CPLX2: variants seen among roughly 807,000 people sequenced by gnomAD.
CPLX2 encodes the protein complexin 2.
CPLX2 carries 5 observed loss-of-function variants against 16.3 expected under a neutral mutation model. That is an observed-to-expected ratio of 0.31 (90% CI 0.16 to 0.64). The LOEUF is 0.64. Among genes scored for constraint, CPLX2 ranks in the 30% least tolerant of loss-of-function variants. CPLX2 has a pLI of 0.79. For missense variants in CPLX2, 144 were observed against 181.4 expected, an observed-to-expected ratio of 0.79 and a Z score of 1.18; for synonymous variants, 89 against 73.2, an observed-to-expected ratio of 1.22 and a Z score of -1.10.
At chr5:175,819,401 C>T (rs900503958) in intron 2 of CPLX2, among the ~76,000 whole-genome samples, 2 of 152,202 alleles carry the variant, frequency 1.3e-5, no homozygotes, top group Non-Finnish European at 2.9e-5. Context: ...CAAACCCTCA[C>T]CAACATTTGG....
chr5:175,835,981 CATCT>C, intron 2 of CPLX2, among the ~76,000 whole-genome samples: 1 of 152,002 alleles, frequency 6.6e-6, no homozygotes, highest in African/African-American at 2.4e-5. Context: ...TCAAGTGATC[CATCT>C]GCCTCAGCCT....
At chr5:175,854,155 T>A (rs1403962959) in intron 2 of CPLX2, among the ~76,000 whole-genome samples, 1 of 152,178 alleles carries the variant, frequency 6.6e-6, no homozygotes, top group Non-Finnish European at 1.5e-5. Context: ...TACCCATGTG[T>A]CCTTGTCCTG....
chr5:175,798,304 A>G (rs1420751895), intron 1 of CPLX2, among the ~76,000 whole-genome samples: 1 of 152,234 alleles, frequency 6.6e-6, no homozygotes, highest in Non-Finnish European at 1.5e-5. Context: ...TGCTCAAAAA[A>G]TGGTAGATCC....
At chr5:175,825,910 C>G (rs1050451355) in intron 2 of CPLX2, among the ~76,000 whole-genome samples, 1 of 118,384 alleles carries the variant, frequency 8.4e-6, no homozygotes, top group Non-Finnish European at 1.6e-5. Flanking sequence ...CTGGTTTCCC[C>G]TGGAAGTGGT....
rs1758721503 is a variant in CPLX2 at position 175,830,828 on chromosome 5, G to A, written c.-89+21760G>A. Among the ~76,000 whole-genome samples, 1 of 152,236 alleles carries A rather than the reference G, an allele frequency of 6.6e-6. No homozygotes were observed. Among genetic ancestry groups the A allele is most frequent in the Non-Finnish European group, 1.5e-5 (1 of 68,042 alleles). ...AGCCAAGAAGCCCAGATCTGGGAAGGAGAGCAGGGAACATGTCACCTGCCA... is the reference window on the plus strand; with the variant it reads ...AGCCAAGAAGCCCAGATCTGGGAAGAAGAGCAGGGAACATGTCACCTGCCA... On this transcript the variant is annotated intron_variant, in intron 2 of 4. Coordinates refer to the CPLX2 transcript ENST00000359546. This position sits in a 1 kb window ranked among gnomAD's most constrained non-coding sequence, Gnocchi z 4.0.
In CPLX2 at chr5:175,845,679, G is replaced by C. The variant is rs1247883368; in HGVS notation, c.-88-32973G>C. On this transcript the variant is annotated intron_variant, in intron 2 of 4. Coordinates refer to the CPLX2 transcript ENST00000359546. This position sits in a 1 kb window ranked among gnomAD's most constrained non-coding sequence, Gnocchi z 4.0. ...TAAGGGCGGGGACTCATTGGTGCTG[G>C]TTCCACGGGCCTGGCACACTGCCTG... Among the ~76,000 whole-genome samples, 1 of 152,202 alleles carries C rather than the reference G, an allele frequency of 6.6e-6. No homozygotes were observed. The highest frequency in any genetic ancestry group is 2.4e-5 in the African/African-American group (1 of 41,432).
intron 2 of CPLX2, among the ~76,000 whole-genome samples, chr5:175,841,935 C>G (rs1758951474): frequency 1.3e-5 from 2 of 152,210 alleles, no homozygotes; most frequent in South Asian, 4.1e-4. Context: ...ATGTTGATTA[C>G]CTTTTCTTGG....
At chr5:175,826,015 C>T (rs1317731949) in intron 2 of CPLX2, among the ~76,000 whole-genome samples, 1 of 144,526 alleles carries the variant, frequency 6.9e-6, no homozygotes, top group Non-Finnish European at 1.5e-5. Flanking sequence ...TTCAGCAGAT[C>T]GGATGCTTGT....
chr5:175,862,393 G>C (rs904399945), intron 2 of CPLX2, among the ~76,000 whole-genome samples: 1 of 152,186 alleles, frequency 6.6e-6, no homozygotes, highest in African/African-American at 2.4e-5. Context: ...TTTTTTTAAT[G>C]CTCTAGCTGT....
chr5:175,869,146 T>G (rs1042759262), upstream of CPLX2, among the ~76,000 whole-genome samples: 2 of 152,230 alleles, frequency 1.3e-5, no homozygotes, highest in Admixed American at 6.5e-5. Context: ...GAGCAGGTAC[T>G]CATCTCTTCG....
chr5:175,806,459 C>T (rs116699957), intron 1 of CPLX2, among the ~76,000 whole-genome samples: 121 of 152,216 alleles, frequency 7.9e-4, no homozygotes, highest in African/African-American at 2.7e-3. Context: ...GCTTAAGGAT[C>T]TGCTTTCCTG....
At chr5:175,807,473 G>A (rs11134931) in intron 1 of CPLX2, among the ~76,000 whole-genome samples, 84,781 of 152,088 alleles carry the variant, frequency 0.56, 25,000 homozygotes, top group East Asian at 0.75. Context: ...CCAGGTGCTC[G>A]TTCCCTGGGC....
chr5:175,869,898 T>C (rs1759552856), upstream of CPLX2, among the ~76,000 whole-genome samples: 1 of 152,206 alleles, frequency 6.6e-6, no homozygotes, highest in African/African-American at 2.4e-5. Flanking sequence ...GCAATACCAG[T>C]TGTGGAAAAA....
intron 2 of CPLX2, among the ~76,000 whole-genome samples, chr5:175,839,108 G>A (rs1016378163): frequency 7.9e-5 from 12 of 152,130 alleles, no homozygotes; most frequent in Admixed American, 5.9e-4. Context: ...ATGTTGCCCA[G>A]GCTGGCTTTG....
chr5:175,864,778 T>A (rs949401987), intron 2 of CPLX2, among the ~76,000 whole-genome samples: 1 of 152,148 alleles, frequency 6.6e-6, no homozygotes, highest in African/African-American at 2.4e-5. Context: ...CTTAAAGGGT[T>A]GACATCCGTA....
At chr5:175,815,129 C>T (rs1216488053) in intron 2 of CPLX2, among the ~76,000 whole-genome samples, 2 of 152,188 alleles carry the variant, frequency 1.3e-5, no homozygotes, top group Non-Finnish European at 2.9e-5. Flanking sequence ...ATCCCTGAGG[C>T]CTCCTTTCTC....
Position 175,839,735 on chromosome 5 carries a change from A to T in CPLX2, c.-89+30667A>T, listed in dbSNP as rs573715262. Among the ~76,000 whole-genome samples the T allele has an allele frequency of 4.6e-5, 7 of 152,392 alleles. No homozygotes were observed. The South Asian group carries it at 1.2e-3, about 27-fold the overall frequency. ...CTCTGCACTAATTTTGCAGTGAGGC[A>T]CAAATGGCAAGTACACTATTAAATG... On this transcript the variant is annotated intron_variant, in intron 2 of 4. Coordinates refer to the CPLX2 transcript ENST00000359546.
At chr5:175,814,644 ACT>A (rs1758372741) in intron 2 of CPLX2, among the ~76,000 whole-genome samples, 1 of 152,040 alleles carries the variant, frequency 6.6e-6, no homozygotes, top group African/African-American at 2.4e-5. Context: ...ACAGAGACTA[ACT>A]CTGTCAGACT....
intron 2 of CPLX2, among the ~76,000 whole-genome samples, chr5:175,851,430 C>T (rs1178443589): frequency 6.6e-6 from 1 of 152,184 alleles, no homozygotes; most frequent in African/African-American, 2.4e-5. Context: ...GGCAGAGGCA[C>T]GTGCAGCTTG....
Sources: allele counts gnomAD v4.1 joint callset (sites outside exome capture counted in the v4.1 genomes callset), GRCh38; gene constraint gnomAD v4.1.1; non-coding constraint Gnocchi (gnomAD v3.1); transcripts MANE v1.5; gene names NCBI Gene and HGNC (gene_info 2026-07-23, HGNC 2026-07-21).